Variants in NRXN3 observed in about 807,000 individuals in gnomAD.
The protein encoded by NRXN3 is neurexin III.
Under a neutral mutation model 137.6 loss-of-function variants are expected in NRXN3, and 32 were observed. That is an observed-to-expected ratio of 0.23 (90% CI 0.18 to 0.31). NRXN3 has a LOEUF of 0.31. NRXN3 is among the 10% of genes least tolerant of loss of function. NRXN3 has a pLI of 1.00. For missense variants in NRXN3, 1,574 were observed against 2,062.5 expected, an observed-to-expected ratio of 0.76 and a Z score of 4.59; for synonymous variants, 798 against 784.5, an observed-to-expected ratio of 1.02 and a Z score of -0.29.
intron 6 of NRXN3, among the ~76,000 whole-genome samples, chr14:78,667,758 T>C (rs2097899973): frequency 6.6e-6 from 1 of 152,178 alleles, no homozygotes; most frequent in Admixed American, 6.5e-5. Context: ...TTAAAATTCC[T>C]GGCAATCAAA....
rs551211784 is a variant in NRXN3, at chr14:79,755,031, C to G, written c.4015-50081C>G. On this transcript the variant is annotated intron_variant, in intron 19 of 20. Coordinates refer to ENST00000335750, the MANE Select transcript of NRXN3 (RefSeq NM_001330195.2). The stretch of plus-strand genomic sequence containing the variant: ...TTATGCCTTTTTCCTTTATAAATTA[C>G]TCAGTCTCAGGTATATCTTTATAGA... 1.8e-4 allele frequency among the ~76,000 whole-genome samples: 28 copies of G among 152,218 alleles called. No individual in the cohort carries two copies. The South Asian group carries it at 2.7e-3, about 15-fold the overall frequency.
chr14:79,014,454 G>A (rs1016731163), intron 15 of NRXN3, among the ~76,000 whole-genome samples: 7 of 152,084 alleles, frequency 4.6e-5, no homozygotes, highest in East Asian at 1.9e-4. Context: ...TTATGGCTGC[G>A]TAGTATTCCA....
intron 15 of NRXN3, among the ~76,000 whole-genome samples, chr14:79,076,893 A>G (rs1457943893): frequency 6.6e-6 from 1 of 152,020 alleles, no homozygotes; most frequent in Non-Finnish European, 1.5e-5. Flanking sequence ...ATTTCTTGCC[A>G]CCCCCAGCAC....
intron 6 of NRXN3, among the ~76,000 whole-genome samples, chr14:78,654,345 T>G (rs1295594761): frequency 1.3e-5 from 2 of 152,226 alleles, no homozygotes; most frequent in Non-Finnish European, 2.9e-5. Context: ...TCTCTTGCCA[T>G]TTGTGGCTTT....
chr14:79,835,522 T>C (rs769392927), intron 20 of NRXN3, among the ~76,000 whole-genome samples: 2 of 152,202 alleles, frequency 1.3e-5, no homozygotes, highest in Non-Finnish European at 2.9e-5. Flanking sequence ...TTGATTTCCA[T>C]TTCTCCATAT....
intron 15 of NRXN3, among the ~76,000 whole-genome samples, chr14:79,298,418 A>G (rs2084567595): frequency 6.6e-6 from 1 of 152,070 alleles, no homozygotes; most frequent in Non-Finnish European, 1.5e-5. Context: ...GCTTCTAGCT[A>G]CAGAAGGCCA....
chr14:78,262,847 A>G lies in NRXN3; in HGVS notation c.710-15798A>G, dbSNP rs777299162. Among the ~76,000 whole-genome samples the G allele has an allele frequency of 2.0e-5, 3 of 152,138 alleles. No individual in the cohort carries two copies. In the East Asian group the frequency reaches 5.8e-4, roughly 29 times the overall value. The stretch of plus-strand genomic sequence containing the variant: ...CTTCCTTGATTTTAGGCTAGCATCT[A>G]TTGACCTCTTACTACGTTTCGGGCA... On this transcript the variant is annotated intron_variant, in intron 2 of 20. Transcript: ENST00000335750.
chr14:78,985,067 A>G (rs181543648), intron 14 of NRXN3, among the ~76,000 whole-genome samples: 1 of 152,342 alleles, frequency 6.6e-6, no homozygotes, highest in Admixed American at 6.5e-5. Flanking sequence ...AGTGGAATTG[A>G]TAAATAACCT....
intron 10 of NRXN3, among the ~76,000 whole-genome samples, chr14:78,910,122 T>C (rs2099232596): frequency 1.3e-5 from 2 of 152,140 alleles, no homozygotes; most frequent in Non-Finnish European, 2.9e-5. Context: ...TTATCCAAAG[T>C]AAACCCACTG....
At chr14:78,407,187 A>G (rs1157086183) in intron 4 of NRXN3, among the ~76,000 whole-genome samples, 1 of 152,114 alleles carries the variant, frequency 6.6e-6, no homozygotes, top group Non-Finnish European at 1.5e-5. Context: ...GCCCATTAAA[A>G]CAGAGAGCTC....
chr14:79,044,701 A>T (rs1047194655), intron 15 of NRXN3, among the ~76,000 whole-genome samples: 2 of 3,578 alleles, frequency 5.6e-4, no homozygotes, highest in African/African-American at 9.7e-4. Flanking sequence ...AAAAGTGAAC[A>T]CACACACACA....
chr14:79,070,601 T>G (rs533792521), intron 15 of NRXN3, among the ~76,000 whole-genome samples: 9 of 152,328 alleles, frequency 5.9e-5, no homozygotes, highest in African/African-American at 2.2e-4. Flanking sequence ...CTTTTAGAGA[T>G]ATTTGCATGT....
chr14:78,710,840 T>G (rs1006486213), intron 7 of NRXN3, among the ~76,000 whole-genome samples: 2 of 152,336 alleles, frequency 1.3e-5, no homozygotes, highest in East Asian at 3.9e-4. Flanking sequence ...ATTGCAGCCC[T>G]GGCTATTTTA....
chr14:79,776,755 G>A (rs943396123), intron 19 of NRXN3, among the ~76,000 whole-genome samples: 5 of 152,192 alleles, frequency 3.3e-5, no homozygotes, highest in African/African-American at 1.2e-4. Context: ...AGCATGAAGG[G>A]CATGAAGGAA....
intron 3 of NRXN3, among the ~76,000 whole-genome samples, chr14:78,296,101 C>G (rs1485591633): frequency 6.7e-6 from 1 of 149,854 alleles, no homozygotes; most frequent in Admixed American, 6.7e-5. Flanking sequence ...CTCTGTCACC[C>G]AGGCTGGAGT....
intron 19 of NRXN3, among the ~76,000 whole-genome samples, chr14:79,769,638 A>G (rs902540568): frequency 6.6e-6 from 1 of 152,208 alleles, no homozygotes; most frequent in African/African-American, 2.4e-5. Flanking sequence ...TAACATGGAA[A>G]GGAACAACCG....
chr14:78,380,263 T>TGCAGTCC (rs1238268771), intron 4 of NRXN3, among the ~76,000 whole-genome samples: 1 of 128,892 alleles, frequency 7.8e-6, no homozygotes, highest in African/African-American at 3.0e-5. Context: ...ATTGCGCCAC[T>TGCAGTCC]GCAGTCCGCA....
At chr14:79,605,232 C>T (rs1567639020) in intron 16 of NRXN3, among the ~76,000 whole-genome samples, 1 of 152,168 alleles carries the variant, frequency 6.6e-6, no homozygotes, top group East Asian at 1.9e-4. Flanking sequence ...GTCTGTGTGT[C>T]ACCTTGACGT....
At chr14:79,781,296 T>C (rs2099113022) in intron 19 of NRXN3, among the ~76,000 whole-genome samples, 1 of 152,138 alleles carries the variant, frequency 6.6e-6, no homozygotes, top group African/African-American at 2.4e-5. Flanking sequence ...AAATATATTT[T>C]GTGAAGAATA....
Sources: allele counts gnomAD v4.1 joint callset (sites outside exome capture counted in the v4.1 genomes callset), GRCh38; gene constraint gnomAD v4.1.1; transcripts MANE v1.5; gene names NCBI Gene and HGNC (gene_info 2026-07-23, HGNC 2026-07-21).